TBC1D5: variants seen among roughly 807,000 people sequenced by gnomAD.
TBC1D5 encodes TBC1 domain family member 5, also known as TBC1 domain family, member 5.
TBC1D5 carries 75 observed loss-of-function variants against 100.3 expected under a neutral mutation model. The ratio of observed to expected loss-of-function variants is 0.75; its 90% CI spans 0.62 to 0.91. The LOEUF (loss-of-function observed/expected upper bound fraction) is 0.91. Ranked by LOEUF, TBC1D5 falls within the 40% of genes least tolerant of loss-of-function variation. TBC1D5 has a pLI of 0.00. For missense variants in TBC1D5, 910 were observed against 942.4 expected (o/e 0.97, Z 0.45); for synonymous variants, 323 against 325.6 (o/e 0.99, Z 0.09).
At chr3:17,265,015 C>T (rs1180102421) in intron 15 of TBC1D5, among the ~76,000 whole-genome samples, 1 of 152,080 alleles carries the variant, frequency 6.6e-6, no homozygotes, top group East Asian at 1.9e-4. Context: ...AGCAAAAACA[C>T]ATAGAAAAAA....
intron 19 of TBC1D5, among the ~76,000 whole-genome samples, chr3:17,174,216 T>C (rs2067464134): frequency 6.6e-6 from 1 of 152,172 alleles, no homozygotes; most frequent in South Asian, 2.1e-4. Flanking sequence ...TCTTGGACAA[T>C]AATTCAATGA....
At position 17,715,329 on chromosome 3, in the gene TBC1D5, T is replaced by G. The variant is rs1417319572; in HGVS notation, c.-101+24014A>C. 2.0e-5 allele frequency among the ~76,000 whole-genome samples: 3 copies of G among 152,208 alleles called. No homozygotes were observed. In the East Asian group the frequency reaches 5.8e-4, roughly 29 times the overall value. On this transcript the variant is annotated intron_variant, in intron 1 of 21. Coordinates refer to ENST00000253692, the Ensembl canonical transcript of TBC1D5. Reference sequence around the variant, plus strand: ...GATTAGTGGTTCCCATTTCTATTTTTAGAGAGCAAGGTCTGTGACTTACTC... The same window carrying G: ...GATTAGTGGTTCCCATTTCTATTTTGAGAGAGCAAGGTCTGTGACTTACTC...
rs565457740 is a variant in TBC1D5, at chr3:17,648,356, A to T, written c.-100-24443T>A. Among the ~76,000 whole-genome samples the T allele has an allele frequency of 4.6e-5, 7 of 152,144 alleles. No individual in the cohort carries two copies. In the East Asian group the frequency reaches 1.2e-3, roughly 25 times the overall value. On this transcript the variant is annotated intron_variant, in intron 1 of 21. Coordinates refer to ENST00000253692, the Ensembl canonical transcript of TBC1D5. ...GTGGATTAAAGACTTAAAATGTAAA[A>T]CCCCAAACTATAAAAATCTTAAAAG... is the stretch of plus-strand genomic sequence containing the variant.
intron 16 of TBC1D5, among the ~76,000 whole-genome samples, chr3:17,251,312 C>T (rs1275225330): frequency 1.3e-5 from 2 of 152,008 alleles, no homozygotes; most frequent in African/African-American, 2.4e-5. Flanking sequence ...CCATAATTGG[C>T]CTTGCTACTA....
intron 1 of TBC1D5, among the ~76,000 whole-genome samples, chr3:17,725,959 A>G (rs572429785): frequency 6.6e-6 from 1 of 152,222 alleles, no homozygotes; most frequent in Non-Finnish European, 1.5e-5. Flanking sequence ...AAGTGAGAAC[A>G]TGCAGTATCT....
intron 1 of TBC1D5, among the ~76,000 whole-genome samples, chr3:17,675,221 G>C (rs1018315049): frequency 6.6e-6 from 1 of 151,860 alleles, no homozygotes; most frequent in African/African-American, 2.4e-5. Flanking sequence ...TGGCTACCAA[G>C]ACAGATTATT....
chr3:17,293,095 C>A lies in TBC1D5; in HGVS notation c.1139-1094G>T, dbSNP rs566920312. ...TAATCTATGTAAGGAATCACTTTAT[C>A]ATCTTCATTTTCATTGCTGCTATGA... On this transcript the variant is annotated intron_variant, in intron 14 of 21. Transcript: ENST00000253692. Among the ~76,000 whole-genome samples, 4 of 152,248 alleles carry A rather than the reference C, an allele frequency of 2.6e-5. No individual in the cohort carries two copies. In the East Asian group the frequency reaches 7.7e-4, roughly 29 times the overall value.
chr3:17,457,761 G>T (rs1293904668), intron 3 of TBC1D5, among the ~76,000 whole-genome samples: 1 of 149,762 alleles, frequency 6.7e-6, no homozygotes, highest in Non-Finnish European at 1.5e-5. Flanking sequence ...ATGTATTATT[G>T]TCATCAGATG....
intron 19 of TBC1D5, among the ~76,000 whole-genome samples, chr3:17,178,733 T>C (rs140568840): frequency 0.012 from 1,849 of 152,278 alleles, 39 homozygotes; most frequent in African/African-American, 0.042. Flanking sequence ...CGCCACCTCC[T>C]GGCACAAGTG....
intron 18 of TBC1D5, among the ~76,000 whole-genome samples, chr3:17,196,702 C>G (rs1164746572): frequency 1.3e-5 from 2 of 152,154 alleles, no homozygotes; most frequent in Non-Finnish European, 2.9e-5. Context: ...TGGATTAACT[C>G]TAAAATTTCT....
chr3:17,566,023 A>C (rs2096591369), intron 2 of TBC1D5, among the ~76,000 whole-genome samples: 1 of 152,038 alleles, frequency 6.6e-6, no homozygotes, highest in African/African-American at 2.4e-5. Context: ...AGCCACATTA[A>C]AGTGACAATT....
chr3:17,301,497 T>G (rs1321323666), intron 14 of TBC1D5, among the ~76,000 whole-genome samples: 1 of 152,200 alleles, frequency 6.6e-6, no homozygotes. Context: ...TTACCCCAAG[T>G]ACTATATTAA....
intron 1 of TBC1D5, among the ~76,000 whole-genome samples, chr3:17,703,806 G>A (rs575790256): frequency 6.6e-6 from 1 of 151,846 alleles, no homozygotes; most frequent in East Asian, 1.9e-4. Flanking sequence ...GCCACATTAA[G>A]TATATGATCT....
chr3:17,719,923 A>C (rs2075553999), intron 1 of TBC1D5, among the ~76,000 whole-genome samples: 1 of 152,184 alleles, frequency 6.6e-6, no homozygotes, highest in Non-Finnish European at 1.5e-5. Flanking sequence ...AACTTAGTAT[A>C]ATCCTAACAC....
rs376633114 is a variant in TBC1D5, at chr3:17,703,902, T to TG, written c.-101+35440dup. On this transcript the variant is annotated intron_variant, in intron 1 of 21. Coordinates refer to ENST00000253692, the Ensembl canonical transcript of TBC1D5. ...AAAGAATGTACCACATTGATATTTG[T>TG]GTTTTTTTTTTGTTTTTTTTTTTTT... 1.6e-3 allele frequency among the ~76,000 whole-genome samples: 153 copies of TG among 93,226 alleles called. 1 individual carries two copies. The highest frequency in any genetic ancestry group is 2.4e-3 in the Non-Finnish European group (106 of 44,494). The allele number at this position is 93,226 out of a possible 152,430, so 61.2% of individuals were successfully genotyped here.
chr3:17,525,222 A>G (rs2096118091), intron 2 of TBC1D5, among the ~76,000 whole-genome samples: 2 of 151,986 alleles, frequency 1.3e-5, no homozygotes, highest in African/African-American at 4.8e-5. Context: ...CTCCGACCCC[A>G]AGGTTCAAGC....
chr3:17,507,762 CA>C (rs973009147), intron 3 of TBC1D5, among the ~76,000 whole-genome samples: 10 of 152,200 alleles, frequency 6.6e-5, no homozygotes, highest in African/African-American at 2.4e-4. Context: ...TTAACTTTAT[CA>C]AATATTTAGT....
At chr3:17,297,731 T>G (rs1389929597) in intron 14 of TBC1D5, among the ~76,000 whole-genome samples, 1 of 151,592 alleles carries the variant, frequency 6.6e-6, no homozygotes, top group Admixed American at 6.6e-5. Context: ...TATAGGCGTG[T>G]GCCATCATGC....
chr3:17,415,017 G>A (rs1236391290), intron 4 of TBC1D5, among the ~76,000 whole-genome samples: 2 of 151,952 alleles, frequency 1.3e-5, no homozygotes, highest in South Asian at 2.1e-4. Context: ...TTAAAATTAC[G>A]GTCATGTTTT....
Sources: gnomAD v4.1 joint callset for allele counts (sites outside exome capture counted in the v4.1 genomes callset) on GRCh38, gnomAD v4.1.1 for gene constraint, MANE v1.5 for transcripts, NCBI Gene and HGNC (gene_info 2026-07-23, HGNC 2026-07-21) for gene names.